ARHGAP17: variants seen among roughly 807,000 people sequenced by gnomAD.
The protein encoded by ARHGAP17 is Rho GTPase activating protein 17.
In ARHGAP17, 57 loss-of-function variants were observed where a neutral mutation model predicts 99.5. The observed-to-expected ratio is 0.57, with a 90% CI of 0.46 to 0.71. The LOEUF is 0.71. ARHGAP17 is among the 30% of genes least tolerant of loss of function. The pLI, the probability that ARHGAP17 is intolerant of heterozygous loss-of-function variation, is 0.00. For synonymous variants in ARHGAP17, 417 were observed against 429.6 expected, an observed-to-expected ratio of 0.97 and a Z score of 0.36; for missense variants, 1,000 against 1,122.4, an observed-to-expected ratio of 0.89 and a Z score of 1.56.
At chr16:24,929,672 C>G in intron 19 of ARHGAP17, 5 of 987,736 alleles carry the variant, frequency 5.1e-6, no homozygotes, top group Non-Finnish European at 6.0e-6. Flanking sequence ...TATTGGGAAA[C>G]AAAACAAACA....
intron 1 of ARHGAP17, among the ~76,000 whole-genome samples, chr16:25,009,607 T>C (rs2053592839): frequency 6.6e-6 from 1 of 152,166 alleles, no homozygotes; most frequent in Non-Finnish European, 1.5e-5. Context: ...AGTGTGAGAA[T>C]TCACATTGCT....
chr16:24,997,049 T>C (rs2053213149), intron 1 of ARHGAP17, among the ~76,000 whole-genome samples: 1 of 152,236 alleles, frequency 6.6e-6, no homozygotes, highest in Non-Finnish European at 1.5e-5. Flanking sequence ...GTCTGGTGGG[T>C]ATTAAACAAG....
chr16:24,936,380 T>G (rs1161536291), intron 17 of ARHGAP17: 1 of 153,058 alleles, frequency 6.5e-6, no homozygotes, highest in African/African-American at 2.4e-5. Context: ...TAGTGTAATG[T>G]ACATAAAAAT....
intron 1 of ARHGAP17, among the ~76,000 whole-genome samples, chr16:25,006,962 A>ACGGTCTGAGAAGAAAGGAGAT (rs1173339222): frequency 1.3e-5 from 2 of 152,220 alleles, no homozygotes; most frequent in African/African-American, 4.8e-5. Flanking sequence ...ACCCAGGGGA[A>ACGGTCTGAGAAGAAAGGAGAT]CGGTCTGAGA....
rs772776891 is a variant in ARHGAP17, at chr16:24,935,570, T to C, written c.1794A>G (p.Ala598=). The part of the protein sequence containing the change: ...PAPGRNNSQI[A]SGQNQPQAAA... Reference sequence around the variant, plus strand: ...CTGCCTGGGGCTGATTTTGGCCAGATGCTATCTGACTGTTGTTTCTCCCTG... The same window carrying C: ...CTGCCTGGGGCTGATTTTGGCCAGACGCTATCTGACTGTTGTTTCTCCCTG... The change falls in exon 18 of 20, where the codon GCA becomes GCG. Residue 598 remains alanine, a synonymous_variant. Coordinates refer to ENST00000289968, the MANE Select transcript of ARHGAP17 (RefSeq NM_001006634.3). 6.2e-7 allele frequency: 1 copy of C among 1,614,078 alleles called. No homozygotes were observed. The highest frequency in any genetic ancestry group is 8.5e-7 in the Non-Finnish European group (1 of 1,180,054).
chr16:24,935,427 T>G (rs1307473994), intron 18 of ARHGAP17, 43 bp downstream of exon 18: 59 of 1,546,504 alleles, frequency 3.8e-5, no homozygotes, highest in Non-Finnish European at 4.9e-5. Context: ...TAAGGAGGTC[T>G]GCACAGGCTT....
intron 2 of ARHGAP17, 57 bp from the exon 3 acceptor site, chr16:24,977,376 C>A: frequency 7.1e-7 from 1 of 1,416,854 alleles, no homozygotes. Context: ...GTGGTGTCTG[C>A]ATGCTGGTAG....
chr16:25,012,677 C>A (rs1321138639), intron 1 of ARHGAP17, among the ~76,000 whole-genome samples: 1 of 152,182 alleles, frequency 6.6e-6, no homozygotes, highest in Non-Finnish European at 1.5e-5. Context: ...AAAACACATA[C>A]ACACACACAT....
chr16:24,967,663 C>T (rs1184771346), intron 6 of ARHGAP17, among the ~76,000 whole-genome samples: 1 of 151,830 alleles, frequency 6.6e-6, no homozygotes, highest in Non-Finnish European at 1.5e-5. Flanking sequence ...TGGCATGTGC[C>T]TGTAGTCCCA....
At chr16:24,992,224 G>A (rs1192296360) in intron 1 of ARHGAP17, among the ~76,000 whole-genome samples, 1 of 152,220 alleles carries the variant, frequency 6.6e-6, no homozygotes, top group Non-Finnish European at 1.5e-5. Context: ...AGAATAGCAG[G>A]ATGGAAGTAG....
chr16:24,996,596 G>A (rs1040930367), intron 1 of ARHGAP17, among the ~76,000 whole-genome samples: 8 of 152,132 alleles, frequency 5.3e-5, no homozygotes, highest in African/African-American at 1.9e-4. Context: ...CCCCAAGCAA[G>A]GTGCTAGCTC....
chr16:24,930,369 T>C (rs1431041695), intron 19 of ARHGAP17, among the ~76,000 whole-genome samples: 2 of 152,204 alleles, frequency 1.3e-5, no homozygotes, highest in East Asian at 1.9e-4. Flanking sequence ...CACTAAGAAA[T>C]AAAGTTCATG....
At chr16:24,963,481 A>G (rs948797593) in intron 7 of ARHGAP17, among the ~76,000 whole-genome samples, 3 of 152,226 alleles carry the variant, frequency 2.0e-5, no homozygotes, top group African/African-American at 7.2e-5. Flanking sequence ...TTTTAAAACA[A>G]TGAAAAATAA....
chr16:25,005,227 T>C (rs758881376), intron 1 of ARHGAP17, among the ~76,000 whole-genome samples: 1 of 152,240 alleles, frequency 6.6e-6, no homozygotes, highest in Non-Finnish European at 1.5e-5. Context: ...GAATATTGTT[T>C]TTATATCAAA....
chr16:24,936,234 A>T (rs1353622619), intron 17 of ARHGAP17: 1 of 158,206 alleles, frequency 6.3e-6, no homozygotes, highest in African/African-American at 2.4e-5. Flanking sequence ...TCAGAGGCTA[A>T]ATGACTACTC....
chr16:25,011,969 A>G (rs2053655266), intron 1 of ARHGAP17, among the ~76,000 whole-genome samples: 1 of 152,122 alleles, frequency 6.6e-6, no homozygotes. Flanking sequence ...TGCTCTGTGC[A>G]TTAGCCATCC....
rs541189925 is a variant in ARHGAP17, at chr16:25,013,137, T to C, written c.53+2072A>G. ...AAGAACGCCCAGGAGAGGCATCCAA[T>C]CTATGCTGTAGCATCATAGAAGGCC... On this transcript the variant is annotated intron_variant, in intron 1 of 19. Coordinates refer to ENST00000289968, the MANE Select transcript of ARHGAP17 (RefSeq NM_001006634.3). 5.3e-5 allele frequency among the ~76,000 whole-genome samples: 8 copies of C among 152,246 alleles called. No homozygotes were observed. The South Asian group carries it at 1.7e-3, about 32-fold the overall frequency.
At chr16:25,012,800 C>A (rs1340340132) in intron 1 of ARHGAP17, among the ~76,000 whole-genome samples, 1 of 152,202 alleles carries the variant, frequency 6.6e-6, no homozygotes, top group African/African-American at 2.4e-5. Flanking sequence ...TCAGCTTCCA[C>A]TGGCATCTAG....
chr16:24,938,287 C>A (rs2051198298), intron 17 of ARHGAP17, among the ~76,000 whole-genome samples: 1 of 151,964 alleles, frequency 6.6e-6, no homozygotes, highest in Non-Finnish European at 1.5e-5. Context: ...TCACTTGAAC[C>A]CGGGAGACGG....
Sources: allele counts gnomAD v4.1 joint callset (sites outside exome capture counted in the v4.1 genomes callset), GRCh38; gene constraint gnomAD v4.1.1; transcripts MANE v1.5; gene names NCBI Gene and HGNC (gene_info 2026-07-23, HGNC 2026-07-21).